Variants in SERPIND1 observed in about 807,000 individuals in gnomAD.
The protein encoded by SERPIND1 is serpin family D member 1.
A neutral mutation model predicts 35.0 loss-of-function variants in SERPIND1; 34 were observed. The observed-to-expected ratio is 0.97, with a 90% CI of 0.74 to 1.29. SERPIND1 has a LOEUF of 1.29. SERPIND1 is among the 50% of genes most tolerant of loss of function. SERPIND1 has a pLI of 0.00. For synonymous variants in SERPIND1, 236 were observed against 241.1 expected (o/e 0.98, Z 0.19); for missense variants, 633 against 637.7 (o/e 0.99, Z 0.08).
chr22:20,778,127 C>T (rs1310859743), intron 1 of SERPIND1, among the ~76,000 whole-genome samples: 2 of 152,142 alleles, frequency 1.3e-5, no homozygotes, highest in African/African-American at 4.8e-5. Flanking sequence ...AGTGATATCA[C>T]CTCTGGGGCT....
intron 1 of SERPIND1, among the ~76,000 whole-genome samples, chr22:20,776,076 C>T (rs1233606521): frequency 1.3e-5 from 2 of 152,160 alleles, no homozygotes; most frequent in Non-Finnish European, 2.9e-5. Context: ...AATTCCAGCA[C>T]TTTGGGAGGC....
intron 1 of SERPIND1, among the ~76,000 whole-genome samples, chr22:20,776,679 G>C (rs1484734659): frequency 6.6e-6 from 1 of 152,122 alleles, no homozygotes; most frequent in Non-Finnish European, 1.5e-5. Flanking sequence ...GGGCTTAGAG[G>C]CTTAACCAAC....
At chr22:20,783,668 C>T (rs143454778) in intron 2 of SERPIND1, among the ~76,000 whole-genome samples, 57 of 152,266 alleles carry the variant, frequency 3.7e-4, no homozygotes, top group Admixed American at 1.5e-3. Flanking sequence ...CTCAAAGTTA[C>T]TCATTTGACA....
At chr22:20,775,348 T>C (rs1933183890) in intron 1 of SERPIND1, among the ~76,000 whole-genome samples, 1 of 152,228 alleles carries the variant, frequency 6.6e-6, no homozygotes. Flanking sequence ...ATCAGGAAGA[T>C]TTACCTTCAG....
At chr22:20,783,869 C>T in intron 2 of SERPIND1, 103 bp from the exon 3 acceptor site, 1 of 1,499,230 alleles carries the variant, frequency 6.7e-7, no homozygotes, top group East Asian at 2.3e-5. Context: ...GCTCTGCAGG[C>T]TATCTGAATG....
chr22:20,786,557 G>A (rs1934246155), intron 4 of SERPIND1, among the ~76,000 whole-genome samples: 1 of 152,208 alleles, frequency 6.6e-6, no homozygotes, highest in Admixed American at 6.5e-5. Flanking sequence ...AAACAGTGCA[G>A]CAGACCCAGT....
chr22:20,777,850 C>T (rs1933426572), intron 1 of SERPIND1, among the ~76,000 whole-genome samples: 1 of 152,210 alleles, frequency 6.6e-6, no homozygotes, highest in Non-Finnish European at 1.5e-5. Flanking sequence ...CAGGCCAAGT[C>T]AGATCCTCCT....
Position 20,786,079 on chromosome 22 carries a change from GA to G in SERPIND1, c.1240del (p.Ile414SerfsTer32). The G allele has an allele frequency of 1.9e-6, 3 of 1,614,102 alleles. No homozygotes were observed. Among genetic ancestry groups the G allele is most frequent in the Non-Finnish European group, 2.5e-6 (3 of 1,180,034 alleles). ...TAGTGGAGTCCCTGAAGTTGATGGG[GA>G]TCAGGATGCTGTTTGACAAAAATGG... The part of the protein sequence containing the change: ...NLVESLKLMG[I>X]RMLFDKNGNM... On this transcript the variant is annotated frameshift_variant, in exon 4 of 5. Coordinates refer to ENST00000215727, the MANE Select transcript of SERPIND1 (RefSeq NM_000185.4). LOFTEE classifies it high-confidence loss of function.
Position 20,784,155 on chromosome 22 carries a change from TG to T in SERPIND1, c.1075del (p.Val359SerfsTer8). On this transcript the variant is annotated frameshift_variant, in exon 3 of 5. Coordinates refer to ENST00000215727, the MANE Select transcript of SERPIND1 (RefSeq NM_000185.4). LOFTEE classifies it high-confidence loss of function. ...GTGGGGGGCATCAGCATGCTAATTG[TG>T]GTCCCACACAAGATGTCTGGGATGA... ...EYVGGISMLIVVPHKMSGMKT... is the reference protein window; with the variant it reads ...EYVGGISMLIXVPHKMSGMKT... The T allele has an allele frequency of 6.2e-7, 1 of 1,614,174 alleles. No individual in the cohort carries two copies. The highest frequency in any genetic ancestry group is 8.5e-7 in the Non-Finnish European group (1 of 1,180,032).
chr22:20,782,661 T>TC (rs1198955539), intron 2 of SERPIND1, among the ~76,000 whole-genome samples: 2 of 152,138 alleles, frequency 1.3e-5, no homozygotes, highest in African/African-American at 4.8e-5. Flanking sequence ...AGCAATTTTG[T>TC]CCCCAAGGTC....
Position 20,779,290 on chromosome 22 carries a change from C to T in SERPIND1, c.-16-7C>T. The T allele has an allele frequency of 6.2e-7, 1 of 1,613,964 alleles. No homozygotes were observed. The highest frequency in any genetic ancestry group is 1.3e-5 in the African/African-American group (1 of 75,054). On this transcript the variant is annotated splice_region_variant and splice_polypyrimidine_tract_variant and intron_variant, in intron 1 of 4. Transcript: ENST00000215727. ...CGCCTTTCACTGTGTTCTGTTTTCC[C>T]TCCCAGCTTTAGCTCCGCCAAAATG...
Position 20,786,869 on chromosome 22 carries a change from A to C in SERPIND1, c.1309-6A>C. The C allele has an allele frequency of 6.2e-7, 1 of 1,614,116 alleles. No homozygotes were observed. Among genetic ancestry groups the C allele is most frequent in the South Asian group, 1.1e-5 (1 of 91,076 alleles). On this transcript the variant is annotated splice_region_variant and splice_polypyrimidine_tract_variant and intron_variant, in intron 4 of 4. Coordinates refer to ENST00000215727, the MANE Select transcript of SERPIND1 (RefSeq NM_000185.4). ...CCAGAATCTGACAACTTTCCTTTCC[A>C]AACAGTTCAAGCACCAAGGCACGAT...
At position 20,779,968 on chromosome 22, in the gene SERPIND1, G is replaced by C. The variant is rs370070241; in HGVS notation, c.656G>C (p.Arg219Pro). 80 of 1,613,998 alleles carry C rather than the reference G, an allele frequency of 5.0e-5. No homozygotes were observed. Among genetic ancestry groups the C allele is most frequent in the Non-Finnish European group, 6.3e-5 (74 of 1,180,046 alleles). Residue 219 changes from arginine (R) to proline (P), a missense_variant, in exon 2 of 5, where the codon CGG becomes CCG. By Grantham distance (103) the Arg-to-Pro change is moderately radical (BLOSUM62 -2). Transcript: ENST00000215727. The part of the protein sequence containing the change: ...LFRRNFGYTL[R>P]SVNDLYIQKQ... ...AGGAGGAATTTTGGGTACACACTGC[G>C]GTCAGTCAATGACCTTTATATCCAG...
Position 20,784,179 on chromosome 22 carries a change from T to C in SERPIND1, c.1097T>C (p.Met366Thr). The C allele has an allele frequency of 6.2e-7, 1 of 1,614,162 alleles. No homozygotes were observed. The highest frequency in any genetic ancestry group is 8.5e-7 in the Non-Finnish European group (1 of 1,180,028). Residue 366 changes from methionine to threonine, a missense_variant, in exon 3 of 5, where the codon ATG becomes ACG. Met to Thr is a moderately conservative substitution (Grantham distance 81). Transcript: ENST00000215727. ...LIVVPHKMSG[M>T]KTLEAQLTPR... is the part of the protein sequence containing the mutation. ...GTGGTCCCACACAAGATGTCTGGGA[T>C]GAAGACCCTCGAAGCGCAACTGACA...
At chr22:20,777,373 C>A (rs954915822) in intron 1 of SERPIND1, among the ~76,000 whole-genome samples, 1 of 152,024 alleles carries the variant, frequency 6.6e-6, no homozygotes, top group African/African-American at 2.4e-5. Flanking sequence ...TGCGCCACCA[C>A]GCCGGCTAAT....
intron 1 of SERPIND1, among the ~76,000 whole-genome samples, chr22:20,776,985 A>G (rs1160355365): frequency 6.6e-6 from 1 of 152,146 alleles, no homozygotes; most frequent in African/African-American, 2.4e-5. Context: ...TCAAATATCT[A>G]TCTAATAGGA....
At position 20,787,028 on chromosome 22, in the gene SERPIND1, CT is replaced by C; in HGVS notation, c.1463del (p.Leu488ProfsTer20). On this transcript the variant is annotated frameshift_variant, in exon 5 of 5. Transcript: ENST00000215727. LOFTEE classifies it high-confidence loss of function. ...LIYEHRTSCL[L>X]FMGRVANPSR... ...CTACGAGCATCGCACCAGCTGCCTG[CT>C]CTTCATGGGAAGAGTGGCCAACCCC... The C allele has an allele frequency of 1.2e-6, 2 of 1,614,186 alleles. No homozygotes were observed. The highest frequency in any genetic ancestry group is 2.2e-5 in the South Asian group (2 of 91,084).
At chr22:20,779,127 T>A (rs1933536497) in intron 1 of SERPIND1, 170 bp from the exon 2 acceptor site, 7 of 1,460,760 alleles carry the variant, frequency 4.8e-6, no homozygotes, top group Non-Finnish European at 2.8e-6. Flanking sequence ...AAAGGTTGGG[T>A]GTCTATCTAC....
chr22:20,784,704 C>T (rs867744454), intron 3 of SERPIND1, among the ~76,000 whole-genome samples: 3 of 152,116 alleles, frequency 2.0e-5, no homozygotes, highest in Admixed American at 1.3e-4. Context: ...CTTAGCCTAC[C>T]GAGGACACAT....
Sources: allele counts gnomAD v4.1 joint callset (sites outside exome capture counted in the v4.1 genomes callset), GRCh38; gene constraint gnomAD v4.1.1; transcripts MANE v1.5; gene names NCBI Gene and HGNC (gene_info 2026-07-23, HGNC 2026-07-21).